The following PRIM2 variants were observed in gnomAD, a reference collection of about 807,000 sequenced individuals.
The protein encoded by PRIM2 is DNA primase subunit 2.
Under a neutral mutation model 67.3 loss-of-function variants are expected in PRIM2, and 39 were observed. The ratio of observed to expected loss-of-function variants is 0.58; its 90% CI spans 0.45 to 0.76. PRIM2 has a LOEUF of 0.76. Ranked by LOEUF, PRIM2 falls within the 30% of genes least tolerant of loss-of-function variation. The probability of loss-of-function intolerance (pLI) is 0.00; values close to 1 mark genes in which losing one functional copy is unlikely to be tolerated. For synonymous variants in PRIM2, 143 were observed against 198.7 expected, an observed-to-expected ratio of 0.72 and a Z score of 2.36; for missense variants, 398 against 598.7, an observed-to-expected ratio of 0.66 and a Z score of 3.50.
intron 10 of PRIM2, among the ~76,000 whole-genome samples, chr6:57,583,532 T>C (rs2127485841): frequency 6.6e-6 from 1 of 152,098 alleles, no homozygotes; most frequent in South Asian, 2.1e-4. Flanking sequence ...TGCATAGTAT[T>C]CCATGGTGTA....
upstream of PRIM2, among the ~76,000 whole-genome samples, chr6:57,311,726 C>T (rs974529458): frequency 1.3e-5 from 2 of 152,072 alleles, no homozygotes; most frequent in African/African-American, 4.8e-5. Context: ...CACTGCACTC[C>T]AGCCTGGGCA....
chr6:57,542,320 G>A (rs1293529912), intron 10 of PRIM2, among the ~76,000 whole-genome samples: 1 of 152,108 alleles, frequency 6.6e-6, no homozygotes, highest in Middle Eastern at 3.2e-3. Context: ...GAGAGAAGTT[G>A]AGCTAGCATT....
intron 13 of PRIM2, among the ~76,000 whole-genome samples, chr6:57,640,217 G>C (rs1777205486): frequency 1.3e-5 from 2 of 152,034 alleles, no homozygotes; most frequent in Non-Finnish European, 2.9e-5. Flanking sequence ...AATAAACTAG[G>C]TATTGATGGC....
At chr6:57,235,305 A>T in the PRIM2 span, among the ~76,000 whole-genome samples, 1 of 152,290 alleles carries the variant, frequency 6.6e-6, no homozygotes, top group African/African-American at 2.4e-5. Flanking sequence ...TCTACTAAAA[A>T]TGCAAAAAAT....
the PRIM2 span, among the ~76,000 whole-genome samples, chr6:57,235,942 C>T: frequency 7.9e-5 from 12 of 152,184 alleles, no homozygotes; most frequent in African/African-American, 2.7e-4. Context: ...CACAAGGATT[C>T]TCCTCTAGAG....
intron 7 of PRIM2, among the ~76,000 whole-genome samples, chr6:57,466,905 A>G (rs1773211020): frequency 6.6e-6 from 1 of 152,074 alleles, no homozygotes; most frequent in South Asian, 2.1e-4. Context: ...TGATCACCTC[A>G]GGTCGGAAGT....
At chr6:57,388,068 G>A (rs1440922158) in intron 7 of PRIM2, among the ~76,000 whole-genome samples, 1 of 152,182 alleles carries the variant, frequency 6.6e-6, no homozygotes, top group African/African-American at 2.4e-5. Context: ...AGAGCATAGT[G>A]AGCTACGGTA....
chr6:57,229,190 A>G, the PRIM2 span, among the ~76,000 whole-genome samples: 6 of 151,862 alleles, frequency 4.0e-5, no homozygotes, highest in East Asian at 1.9e-4. Context: ...AACCCATTCT[A>G]TTTTCTTTTT....
At chr6:57,268,898 C>G in the PRIM2 span, among the ~76,000 whole-genome samples, 1 of 150,728 alleles carries the variant, frequency 6.6e-6, no homozygotes, top group African/African-American at 2.4e-5. Flanking sequence ...GTTTTTTGTC[C>G]TTGCGATAGT....
intron 7 of PRIM2, among the ~76,000 whole-genome samples, chr6:57,451,985 A>G (rs550495025): frequency 7.6e-6 from 1 of 130,764 alleles, no homozygotes; most frequent in Non-Finnish European, 1.6e-5. Context: ...TCCTGTGTCC[A>G]TGTGTTCTCA....
At chr6:57,507,168 T>G (rs1378188920) in intron 7 of PRIM2, among the ~76,000 whole-genome samples, 3 of 152,186 alleles carry the variant, frequency 2.0e-5, no homozygotes, top group African/African-American at 7.2e-5. Context: ...CTTTTAAACT[T>G]AGTGACATAC....
chr6:57,254,997 C>T, the PRIM2 span, among the ~76,000 whole-genome samples: 1 of 152,160 alleles, frequency 6.6e-6, no homozygotes, highest in Non-Finnish European at 1.5e-5. Flanking sequence ...CAGGCCTTTT[C>T]CCTGTACCCA....
intron 10 of PRIM2, among the ~76,000 whole-genome samples, chr6:57,548,726 A>G (rs1775339170): frequency 6.6e-6 from 1 of 152,156 alleles, no homozygotes; most frequent in Admixed American, 6.5e-5. Context: ...CACCTGATGG[A>G]TATATGAAAA....
intron 8 of PRIM2, among the ~76,000 whole-genome samples, chr6:57,520,973 T>C (rs1774607043): frequency 6.6e-6 from 1 of 152,238 alleles, no homozygotes; most frequent in East Asian, 1.9e-4. Context: ...AAATAGATCA[T>C]TATACTGCAT....
At chr6:57,361,139 A>G (rs5004236) in intron 5 of PRIM2, among the ~76,000 whole-genome samples, 2 of 152,106 alleles carry the variant, frequency 1.3e-5, no homozygotes, top group Non-Finnish European at 2.9e-5. Flanking sequence ...GAGCTCTTAT[A>G]TTGTATTTCT....
chr6:57,349,403 G>C (rs1768788019), intron 5 of PRIM2, among the ~76,000 whole-genome samples: 1 of 150,598 alleles, frequency 6.6e-6, no homozygotes, highest in Non-Finnish European at 1.5e-5. Flanking sequence ...TGATCATGTA[G>C]TCTAGGGCAC....
intron 5 of PRIM2, among the ~76,000 whole-genome samples, chr6:57,347,746 GT>G (rs11286278): frequency 0.41 from 61,886 of 152,048 alleles, 13,468 homozygotes; most frequent in South Asian, 0.56. Context: ...GACCAGCCAG[GT>G]TTATGTAATT....
At chr6:57,609,883 A>T (rs1334280700) in intron 12 of PRIM2, among the ~76,000 whole-genome samples, 5 of 152,204 alleles carry the variant, frequency 3.3e-5, no homozygotes, top group Non-Finnish European at 1.5e-5. Context: ...ACATTTTGAT[A>T]AGGTTGAATT....
At chr6:57,282,961 G>T in the PRIM2 span, among the ~76,000 whole-genome samples, 11 of 151,952 alleles carry the variant, frequency 7.2e-5, no homozygotes, top group Admixed American at 7.2e-4. Flanking sequence ...ATTCTCTCAG[G>T]CATAACTATC....
Sources: gnomAD v4.1 joint callset for allele counts (sites outside exome capture counted in the v4.1 genomes callset) on GRCh38, gnomAD v4.1.1 for gene constraint, MANE v1.5 for transcripts, NCBI Gene and HGNC (gene_info 2026-07-23, HGNC 2026-07-21) for gene names.